The following LRRC27 variants were observed in gnomAD, a reference collection of about 807,000 sequenced individuals.
LRRC27 encodes leucine-rich repeat-containing protein 27.
Under a neutral mutation model 55.0 loss-of-function variants are expected in LRRC27, and 57 were observed. The observed-to-expected ratio is 1.04, with a 90% CI of 0.84 to 1.29. LRRC27 has a LOEUF of 1.29. Ranked by LOEUF, LRRC27 falls within the 50% of genes most tolerant of loss-of-function variation. The pLI, the probability that LRRC27 is intolerant of heterozygous loss-of-function variation, is 0.00. For missense variants in LRRC27, 721 were observed against 651.5 expected, an observed-to-expected ratio of 1.11 and a Z score of -1.16; for synonymous variants, 278 against 251.9, an observed-to-expected ratio of 1.10 and a Z score of -0.98.
In LRRC27 at chr10:132,348,322, G is replaced by A. The variant is rs2067825226; in HGVS notation, c.892G>A (p.Glu298Lys). ...AAATCTCAAGGCGGCCTTGAACATT[G>A]AGAAAGAACTACCAAAGCCAAGACA... ...PPNLKAALNI[E>K]KELPKPRHVF... Residue 298 changes from glutamate to lysine, a missense_variant, in exon 6 of 11, where the codon GAG becomes AAG. Transcript: ENST00000368614. This position sits in a 1 kb window ranked among gnomAD's most constrained non-coding sequence, Gnocchi z 4.2. 6.2e-7 allele frequency: 1 copy of A among 1,613,648 alleles called. No homozygotes were observed. The highest frequency in any genetic ancestry group is 8.5e-7 in the Non-Finnish European group (1 of 1,179,740).
intron 8 of LRRC27, among the ~76,000 whole-genome samples, chr10:132,357,541 T>C (rs2068362395): frequency 6.6e-6 from 1 of 152,106 alleles, no homozygotes; most frequent in Non-Finnish European, 1.5e-5. Context: ...GAAATCACTG[T>C]AAGTTAAAGC....
rs991278558 is a variant in LRRC27 at position 132,372,047 on chromosome 10, C to T, written c.1417-3019C>T. Among the ~76,000 whole-genome samples, 1 of 152,258 alleles carries T rather than the reference C, an allele frequency of 6.6e-6. No individual in the cohort carries two copies. The highest frequency in any genetic ancestry group is 2.4e-5 in the African/African-American group (1 of 41,470). ...CCAGCAAAATGCCAGCAAAGATGCACAGTGATGCAGCCCCAGAGCCTGAAA... is the reference window on the plus strand; with the variant it reads ...CCAGCAAAATGCCAGCAAAGATGCATAGTGATGCAGCCCCAGAGCCTGAAA... On this transcript the variant is annotated intron_variant, in intron 10 of 10. Coordinates refer to ENST00000368614, the MANE Select transcript of LRRC27 (RefSeq NM_030626.3). The surrounding 1 kb of genome is among the most constrained non-coding windows in gnomAD (Gnocchi z 4.0).
At chr10:132,366,920 C>T (rs545924848) in intron 10 of LRRC27, 33 of 1,284,688 alleles carry the variant, frequency 2.6e-5, no homozygotes, top group East Asian at 1.7e-4. Flanking sequence ...CAACCTGACT[C>T]GGACCCCACT....
intron 2 of LRRC27, among the ~76,000 whole-genome samples, chr10:132,336,251 C>G (rs192052329): frequency 2.6e-5 from 4 of 152,198 alleles, no homozygotes; most frequent in African/African-American, 9.6e-5. Context: ...AGTGTAAAAC[C>G]ACTCCTGCAG....
upstream of LRRC27, chr10:132,330,516 A>G: frequency 1.4e-6 from 1 of 716,626 alleles, no homozygotes; most frequent in Non-Finnish European, 2.6e-6. Context: ...TATGTACGAA[A>G]ACTTTTTTTT....
chr10:132,344,849 G>T, intron 5 of LRRC27, 199 bp downstream of exon 5: 1 of 502,206 alleles, frequency 2.0e-6, no homozygotes. Context: ...CTATAAATCT[G>T]GGCACATTAT....
intron 9 of LRRC27, among the ~76,000 whole-genome samples, chr10:132,363,719 G>C (rs567941923): frequency 6.6e-6 from 1 of 152,178 alleles, no homozygotes; most frequent in Middle Eastern, 3.2e-3. Flanking sequence ...GCCTGGCCCC[G>C]GCCCTGCTGC....
chr10:132,371,778 CATG>C (rs889166119), intron 10 of LRRC27, among the ~76,000 whole-genome samples: 7 of 152,228 alleles, frequency 4.6e-5, no homozygotes, highest in African/African-American at 1.7e-4. Flanking sequence ...GGAATGCAAA[CATG>C]ATGGCCGGAG....
At chr10:132,364,843 C>CTCACACCCACACTTACATCTACCT (rs1564855237) in intron 9 of LRRC27, among the ~76,000 whole-genome samples, 1 of 115,380 alleles carries the variant, frequency 8.7e-6, no homozygotes, top group African/African-American at 2.9e-5. Context: ...CACGCCCACA[C>CTCACACCCACACTTACATCTACCT]CCTGGGGCCC....
intron 7 of LRRC27, 25 bp from the exon 8 acceptor site, chr10:132,355,765 T>G: frequency 5.9e-6 from 9 of 1,513,442 alleles, no homozygotes; most frequent in African/African-American, 1.4e-5. Context: ...CTGTAACTTA[T>G]GACATTAACC....
intron 10 of LRRC27, among the ~76,000 whole-genome samples, chr10:132,369,796 T>C (rs1396560236): frequency 1.3e-5 from 2 of 151,984 alleles, no homozygotes; most frequent in African/African-American, 2.4e-5. Flanking sequence ...AAGTCCGGGT[T>C]TTTTAAAGTC....
intron 9 of LRRC27, 32 bp from the exon 10 acceptor site, chr10:132,365,387 TGTCAA>T (rs747376445): frequency 3.7e-6 from 6 of 1,610,856 alleles, no homozygotes; most frequent in Middle Eastern, 1.6e-4. Context: ...AGAGTAAATG[TGTCAA>T]GTCATTTCCC....
In LRRC27 at chr10:132,374,601, G is replaced by T. The variant is rs2069301603; in HGVS notation, c.1417-465G>T. On this transcript the variant is annotated intron_variant, in intron 10 of 10. Coordinates refer to ENST00000368614, the MANE Select transcript of LRRC27 (RefSeq NM_030626.3). The surrounding 1 kb of genome is among the most constrained non-coding windows in gnomAD (Gnocchi z 4.4). The stretch of plus-strand genomic sequence containing the variant: ...CCACAGCTTCTGTGTCTGTGGGGTG[G>T]GGGTGGCAATTGTGGCCCCATCTGC... Among the ~76,000 whole-genome samples, 1 of 152,206 alleles carries T rather than the reference G, an allele frequency of 6.6e-6. No homozygotes were observed. Among genetic ancestry groups the T allele is most frequent in the South Asian group, 2.1e-4 (1 of 4,834 alleles).
chr10:132,347,839 A>G, intron 5 of LRRC27, 145 bp from the exon 6 acceptor site: 1 of 997,218 alleles, frequency 1.0e-6, no homozygotes. Flanking sequence ...GGTGACGGGA[A>G]TTGTTTGGAT....
intron 9 of LRRC27, among the ~76,000 whole-genome samples, chr10:132,364,173 T>C (rs534402970): frequency 6.6e-6 from 1 of 152,054 alleles, no homozygotes; most frequent in South Asian, 2.1e-4. Context: ...ACATCATGCT[T>C]TCTTTTCCAT....
At chr10:132,369,861 G>A (rs1168373954) in intron 10 of LRRC27, among the ~76,000 whole-genome samples, 2 of 152,078 alleles carry the variant, frequency 1.3e-5, no homozygotes, top group East Asian at 1.9e-4. Flanking sequence ...CTGTTCTCCC[G>A]TGCTCCCCCG....
rs1047616901 is a variant in LRRC27, at chr10:132,344,933, C to T, written c.553+283C>T. 1.1e-5 allele frequency: 3 copies of T among 277,942 alleles called. No individual in the cohort carries two copies. In the South Asian group the frequency reaches 3.3e-4, roughly 30 times the overall value. The allele number at this position is 277,942 out of a possible 1,614,324, so 17.2% of individuals were successfully genotyped here. ...AATGAAACAGTTATCACCTCCAAGCCACCCGCAGGCGGCTGCTTCAGGAAT... is the reference window on the plus strand; with the variant it reads ...AATGAAACAGTTATCACCTCCAAGCTACCCGCAGGCGGCTGCTTCAGGAAT... On this transcript the variant is annotated intron_variant, in intron 5 of 10. Coordinates refer to ENST00000368614, the MANE Select transcript of LRRC27 (RefSeq NM_030626.3).
intron 6 of LRRC27, chr10:132,349,199 G>T: frequency 1.5e-6 from 1 of 673,394 alleles, no homozygotes; most frequent in Middle Eastern, 3.7e-4. Flanking sequence ...TGTCATAGCC[G>T]AGGGGACAAC....
intron 8 of LRRC27, among the ~76,000 whole-genome samples, chr10:132,360,151 A>T (rs1252237091): frequency 6.6e-6 from 1 of 152,238 alleles, no homozygotes; most frequent in Non-Finnish European, 1.5e-5. Flanking sequence ...GCTGAAGTGC[A>T]GTGGCACAAT....
Sources: gnomAD v4.1 joint callset for allele counts (sites outside exome capture counted in the v4.1 genomes callset) on GRCh38, gnomAD v4.1.1 for gene constraint, Gnocchi (gnomAD v3.1) non-coding constraint, MANE v1.5 for transcripts, NCBI Gene and HGNC (gene_info 2026-07-23, HGNC 2026-07-21) for gene names.